TSBP1: variants seen among roughly 807,000 people sequenced by gnomAD.
TSBP1 encodes the protein testis-expressed basic protein 1.
In TSBP1, 56 loss-of-function variants were observed where a neutral mutation model predicts 68.8. The ratio of observed to expected loss-of-function variants is 0.81; its 90% CI spans 0.66 to 1.02. The LOEUF is 1.02. TSBP1 is among the 50% of genes least tolerant of loss of function. The probability of loss-of-function intolerance (pLI) is 0.00; values close to 1 mark genes in which losing one functional copy is unlikely to be tolerated. For missense variants in TSBP1, 502 were observed against 641.2 expected (o/e 0.78, Z 2.34); for synonymous variants, 171 against 208.7 (o/e 0.82, Z 1.56).
intron 22 of TSBP1, among the ~76,000 whole-genome samples, chr6:32,295,400 T>G (rs1764610754): frequency 1.3e-5 from 2 of 148,794 alleles, no homozygotes; most frequent in Non-Finnish European, 3.0e-5. Context: ...TCCTGCTAGC[T>G]GGGTTTAATG....
chr6:32,312,653 C>T (rs1766521246), intron 19 of TSBP1, among the ~76,000 whole-genome samples: 1 of 152,216 alleles, frequency 6.6e-6, no homozygotes, highest in African/African-American at 2.4e-5. Context: ...ATCTGCTCTT[C>T]TCCACTACCT....
intron 2 of TSBP1, among the ~76,000 whole-genome samples, chr6:32,369,623 C>T (rs991593733): frequency 3.9e-5 from 6 of 152,122 alleles, no homozygotes; most frequent in Non-Finnish European, 7.4e-5. Context: ...CCCGCCTTGG[C>T]CTCCCAAAGT....
chr6:32,351,496 G>A (rs932725610), intron 8 of TSBP1, among the ~76,000 whole-genome samples: 4 of 152,112 alleles, frequency 2.6e-5, no homozygotes, highest in African/African-American at 9.7e-5. Context: ...AACTTAATCA[G>A]TGCAGATAAG....
At chr6:32,366,623 G>A (rs1438924589) in intron 4 of TSBP1, among the ~76,000 whole-genome samples, 5 of 152,008 alleles carry the variant, frequency 3.3e-5, no homozygotes, top group Non-Finnish European at 7.4e-5. Context: ...AAAATTGGCC[G>A]GGCATGGTGG....
At chr6:32,295,677 G>A (rs1353907246) in intron 22 of TSBP1, among the ~76,000 whole-genome samples, 3 of 152,112 alleles carry the variant, frequency 2.0e-5, no homozygotes, top group African/African-American at 4.8e-5. Flanking sequence ...CTAAATAAAA[G>A]CACTTGGTAC....
At position 32,316,909 on chromosome 6, in the gene TSBP1, G is replaced by A. The variant is rs1767019698; in HGVS notation, c.560-1117C>T. Reference sequence around the variant, plus strand: ...GTCAGGAGATCAAGACCATCCTGGCGAACACTGTGATGTTCTAAAAATACA... The same window carrying A: ...GTCAGGAGATCAAGACCATCCTGGCAAACACTGTGATGTTCTAAAAATACA... On this transcript the variant is annotated intron_variant, in intron 18 of 22. Coordinates refer to ENST00000612031, the Ensembl canonical transcript of TSBP1. The surrounding 1 kb of genome is among the most constrained non-coding windows in gnomAD (Gnocchi z 4.5). Among the ~76,000 whole-genome samples the A allele has an allele frequency of 6.6e-6, 1 of 152,028 alleles. No individual in the cohort carries two copies. Among genetic ancestry groups the A allele is most frequent in the Non-Finnish European group, 1.5e-5 (1 of 68,002 alleles).
At position 32,357,883 on chromosome 6, in the gene TSBP1, TTA is replaced by T. The variant is rs1772521180; in HGVS notation, c.218-2216_218-2215del. On this transcript the variant is annotated intron_variant, in intron 6 of 22. Transcript: ENST00000612031. This position sits in a 1 kb window ranked among gnomAD's most constrained non-coding sequence, Gnocchi z 4.7. Reference sequence around the variant, plus strand: ...TATCTTCAGGACACGTGTGCTATGATTATATAGGTTGGCTCACTGCACAAAGG... The same window carrying T: ...TATCTTCAGGACACGTGTGCTATGATTATAGGTTGGCTCACTGCACAAAGG... 6.6e-6 allele frequency among the ~76,000 whole-genome samples: 1 copy of T among 152,080 alleles called. No individual in the cohort carries two copies. Among genetic ancestry groups the T allele is most frequent in the Non-Finnish European group, 1.5e-5 (1 of 68,012 alleles).
At chr6:32,324,713 C>G in intron 16 of TSBP1, 1 of 1,550,238 alleles carries the variant, frequency 6.5e-7, no homozygotes, top group Non-Finnish European at 8.7e-7. Flanking sequence ...TTTGTTACCC[C>G]TTTCTTGTTT....
In TSBP1 at chr6:32,301,042, TA is replaced by T. The variant is rs752822926; in HGVS notation, c.602-343del. On this transcript the variant is annotated intron_variant, in intron 20 of 22. Coordinates refer to ENST00000612031, the Ensembl canonical transcript of TSBP1. ...CATTGATACGAATTTTTTTTTAATA[TA>T]TTTTTTTGAGACAGGGTCTCAGTCT... is the stretch of plus-strand genomic sequence containing the variant. Among the ~76,000 whole-genome samples, 4 of 152,192 alleles carry T rather than the reference TA, an allele frequency of 2.6e-5. No individual in the cohort carries two copies. The East Asian group carries it at 5.8e-4, about 22-fold the overall frequency.
intron 6 of TSBP1, among the ~76,000 whole-genome samples, chr6:32,362,704 A>G (rs1773202317): frequency 6.6e-6 from 1 of 152,206 alleles, no homozygotes; most frequent in African/African-American, 2.4e-5. Context: ...TGTCATCTAA[A>G]ACAACTTGCA....
At chr6:32,346,704 GGT>G (rs1562156430) in intron 9 of TSBP1, among the ~76,000 whole-genome samples, 9 of 152,056 alleles carry the variant, frequency 5.9e-5, no homozygotes, top group African/African-American at 1.4e-4. Context: ...TGGGTATTGT[GGT>G]GCACGCCTGT....
intron 19 of TSBP1, among the ~76,000 whole-genome samples, chr6:32,308,021 C>T (rs953908440): frequency 2.6e-5 from 4 of 151,886 alleles, no homozygotes; most frequent in South Asian, 2.1e-4. Flanking sequence ...GTGATCTACC[C>T]GCTTTGGCCT....
Position 32,302,773 on chromosome 6 carries a change from C to G in TSBP1, c.581-144G>C. ...AATACAATGAAATATGATGAGACAACAGATCCCTTAGTGTGTTATAAGAAC... is the reference window on the plus strand; with the variant it reads ...AATACAATGAAATATGATGAGACAAGAGATCCCTTAGTGTGTTATAAGAAC... On this transcript the variant is annotated intron_variant, in intron 19 of 22. Transcript: ENST00000612031. The surrounding 1 kb of genome is among the most constrained non-coding windows in gnomAD (Gnocchi z 5.1). The G allele has an allele frequency of 1.6e-6, 1 of 621,272 alleles. No homozygotes were observed. The highest frequency in any genetic ancestry group is 2.8e-6 in the Non-Finnish European group (1 of 351,690). 38.5% of individuals were successfully genotyped at this position (621,272 alleles called of 1,614,324 possible).
At chr6:32,346,035 T>C (rs532160052) in intron 9 of TSBP1, among the ~76,000 whole-genome samples, 1 of 52,794 alleles carries the variant, frequency 1.9e-5, no homozygotes, top group African/African-American at 6.2e-5. Flanking sequence ...TGAGACGGAG[T>C]CTCGCTCTGT....
intron 19 of TSBP1, among the ~76,000 whole-genome samples, chr6:32,311,669 T>G (rs1341028616): frequency 6.6e-6 from 1 of 152,098 alleles, no homozygotes; most frequent in Non-Finnish European, 1.5e-5. Context: ...TTTAAGAGTC[T>G]TTAGAGTTGT....
chr6:32,334,520 A>G (rs1213714893), intron 14 of TSBP1, among the ~76,000 whole-genome samples: 2 of 152,044 alleles, frequency 1.3e-5, no homozygotes, highest in African/African-American at 4.8e-5. Context: ...TTGAGAAATG[A>G]CTCCTGACCC....
chr6:32,349,430 A>C, intron 9 of TSBP1: 1 of 272,376 alleles, frequency 3.7e-6, no homozygotes, highest in Non-Finnish European at 6.9e-6. Context: ...CCCTCATTCT[A>C]TATTATCTTC....
rs1769503803 is a variant in TSBP1 at position 32,335,213 on chromosome 6, G to A, written c.472+224C>T. Reference sequence around the variant, plus strand: ...ATATGCTGAAGTGGAAACAGCTTAGGACCATCTCTAGCAGGATATTTTTCA... The same window carrying A: ...ATATGCTGAAGTGGAAACAGCTTAGAACCATCTCTAGCAGGATATTTTTCA... On this transcript the variant is annotated intron_variant, in intron 14 of 22. Coordinates refer to ENST00000612031, the Ensembl canonical transcript of TSBP1. The surrounding 1 kb of genome is among the most constrained non-coding windows in gnomAD (Gnocchi z 5.5). Among the ~76,000 whole-genome samples the A allele has an allele frequency of 6.6e-6, 1 of 152,042 alleles. No homozygotes were observed. Among genetic ancestry groups the A allele is most frequent in the Non-Finnish European group, 1.5e-5 (1 of 68,006 alleles).
chr6:32,294,459 C>A (rs1472638511), intron 22 of TSBP1, among the ~76,000 whole-genome samples: 1 of 152,148 alleles, frequency 6.6e-6, no homozygotes, highest in African/African-American at 2.4e-5. Context: ...AAAAGCATAT[C>A]TTATTATGCA....
Sources: allele counts gnomAD v4.1 joint callset (sites outside exome capture counted in the v4.1 genomes callset), GRCh38; gene constraint gnomAD v4.1.1; non-coding constraint Gnocchi (gnomAD v3.1); transcripts MANE v1.5; gene names NCBI Gene and HGNC (gene_info 2026-07-23, HGNC 2026-07-21).